The following PRR16 variants were observed in gnomAD, a reference collection of about 807,000 sequenced individuals.
PRR16 encodes the protein proline rich 16.
A neutral mutation model predicts 18.2 loss-of-function variants in PRR16; 6 were observed. That is an observed-to-expected ratio of 0.33 (90% CI 0.18 to 0.65). PRR16 has a LOEUF of 0.65. Among genes scored for constraint, PRR16 ranks in the 30% least tolerant of loss-of-function variants. The pLI, the probability that PRR16 is intolerant of heterozygous loss-of-function variation, is 0.74. For synonymous variants in PRR16, 151 were observed against 147.8 expected (o/e 1.02, Z -0.16); for missense variants, 412 against 376.6 (o/e 1.09, Z -0.78).
intron 1 of PRR16, among the ~76,000 whole-genome samples, chr5:120,493,462 A>G (rs905912342): frequency 1.3e-5 from 2 of 151,966 alleles, no homozygotes; most frequent in Non-Finnish European, 2.9e-5. Context: ...TTTTTAATTT[A>G]AGCTTTTTAT....
chr5:120,751,592 T>C, the PRR16 span, among the ~76,000 whole-genome samples: 1 of 152,098 alleles, frequency 6.6e-6, no homozygotes. Context: ...CATAATGGTG[T>C]ATTTTCAGAG....
chr5:120,745,865 A>ATTTTTTTTTTTT, the PRR16 span, among the ~76,000 whole-genome samples: 696 of 127,394 alleles, frequency 5.5e-3, 21 homozygotes, highest in African/African-American at 0.019. Flanking sequence ...CGCCCGGGTA[A>ATTTTTTTTTTTT]TTTTTTTTTT....
At chr5:120,778,272 C>G in the PRR16 span, among the ~76,000 whole-genome samples, 1 of 151,984 alleles carries the variant, frequency 6.6e-6, no homozygotes, top group African/African-American at 2.4e-5. Context: ...TGTAGGATAT[C>G]TTATTCTGCT....
At chr5:120,673,286 A>G (rs1465125964) in intron 1 of PRR16, among the ~76,000 whole-genome samples, 1 of 152,190 alleles carries the variant, frequency 6.6e-6, no homozygotes, top group African/African-American at 2.4e-5. Context: ...GGCATGTGCC[A>G]ATTAGAAGTT....
the PRR16 span, among the ~76,000 whole-genome samples, chr5:120,759,833 A>G: frequency 6.6e-6 from 1 of 152,196 alleles, no homozygotes; most frequent in African/African-American, 2.4e-5. Context: ...TCTAAAGACA[A>G]AAAGAACTGC....
chr5:120,682,753 T>C (rs1017666131), intron 1 of PRR16, among the ~76,000 whole-genome samples: 4 of 152,226 alleles, frequency 2.6e-5, no homozygotes, highest in Non-Finnish European at 5.9e-5. Context: ...TGGTCATTTA[T>C]GGATAAATTC....
the PRR16 span, among the ~76,000 whole-genome samples, chr5:120,731,400 G>C: frequency 6.6e-6 from 1 of 152,120 alleles, no homozygotes; most frequent in Non-Finnish European, 1.5e-5. Context: ...ACAGTGGTGT[G>C]CTGGATCTGG....
intron 1 of PRR16, among the ~76,000 whole-genome samples, chr5:120,571,860 G>A (rs976097348): frequency 2.0e-5 from 3 of 152,154 alleles, no homozygotes; most frequent in African/African-American, 4.8e-5. Flanking sequence ...ATACTCAGCT[G>A]ATGGCTTGTC....
chr5:120,759,383 G>T, the PRR16 span, among the ~76,000 whole-genome samples: 1 of 151,986 alleles, frequency 6.6e-6, no homozygotes, highest in African/African-American at 2.4e-5. Flanking sequence ...ATCTTATAGA[G>T]ATTTGTATCC....
At chr5:120,608,180 A>G (rs1754217113) in intron 1 of PRR16, among the ~76,000 whole-genome samples, 1 of 152,242 alleles carries the variant, frequency 6.6e-6, no homozygotes, top group Non-Finnish European at 1.5e-5. Flanking sequence ...TTTATAAGAA[A>G]TGAAATCCAG....
chr5:120,716,444 T>G, the PRR16 span, among the ~76,000 whole-genome samples: 51 of 152,294 alleles, frequency 3.3e-4, no homozygotes, highest in African/African-American at 1.2e-3. Context: ...ACCTTTTACA[T>G]GTTTTTCTTC....
chr5:120,707,728 T>C, the PRR16 span, among the ~76,000 whole-genome samples: 1 of 152,222 alleles, frequency 6.6e-6, no homozygotes, highest in Non-Finnish European at 1.5e-5. Context: ...GACACTATTT[T>C]TGATAGGGGA....
intron 1 of PRR16, among the ~76,000 whole-genome samples, chr5:120,670,265 A>G (rs1464842758): frequency 6.6e-6 from 1 of 152,158 alleles, no homozygotes; most frequent in Non-Finnish European, 1.5e-5. Flanking sequence ...TTAAAATTAA[A>G]CAACATGAAT....
intron 1 of PRR16, among the ~76,000 whole-genome samples, chr5:120,477,342 C>A (rs1749475695): frequency 6.6e-6 from 1 of 152,104 alleles, no homozygotes; most frequent in East Asian, 1.9e-4. Flanking sequence ...AAAACCTAAT[C>A]CCATGCAGTT....
At chr5:120,470,353 A>G (rs972857384) in intron 1 of PRR16, among the ~76,000 whole-genome samples, 2 of 152,170 alleles carry the variant, frequency 1.3e-5, no homozygotes, top group African/African-American at 2.4e-5. Context: ...GCAAAAATCT[A>G]AAGAAATATA....
chr5:120,752,421 A>T, the PRR16 span, among the ~76,000 whole-genome samples: 3 of 151,918 alleles, frequency 2.0e-5, no homozygotes, highest in African/African-American at 4.8e-5. Context: ...TGTTTTTTTG[A>T]AGGTGAGGAG....
At chr5:120,778,293 A>G in the PRR16 span, among the ~76,000 whole-genome samples, 24 of 152,156 alleles carry the variant, frequency 1.6e-4, no homozygotes, top group African/African-American at 5.8e-4. Context: ...CAAGTAAAAC[A>G]GAACCATTTT....
At chr5:120,478,349 C>G (rs1309801483) in intron 1 of PRR16, among the ~76,000 whole-genome samples, 1 of 152,108 alleles carries the variant, frequency 6.6e-6, no homozygotes, top group Admixed American at 6.6e-5. Context: ...CTGGCGGGAG[C>G]TCTTGTTTCT....
chr5:120,664,891 A>G (rs1580851660), intron 1 of PRR16, among the ~76,000 whole-genome samples: 3 of 151,598 alleles, frequency 2.0e-5, no homozygotes, highest in Admixed American at 1.3e-4. Context: ...AGTCTTTGCT[A>G]TTGTGAATAG....
Sources: allele counts gnomAD v4.1 joint callset (sites outside exome capture counted in the v4.1 genomes callset), GRCh38; gene constraint gnomAD v4.1.1; transcripts MANE v1.5; gene names NCBI Gene and HGNC (gene_info 2026-07-23, HGNC 2026-07-21).